Variants in DIAPH3 observed in about 807,000 individuals in gnomAD.
The protein encoded by DIAPH3 is protein diaphanous homolog 3.
Under a neutral mutation model 144.3 loss-of-function variants are expected in DIAPH3, and 117 were observed. The observed-to-expected ratio is 0.81, with a 90% CI of 0.70 to 0.95. The LOEUF (loss-of-function observed/expected upper bound fraction) is 0.95, where lower values mean the gene tolerates loss of function less well. Ranked by LOEUF, DIAPH3 falls within the 40% of genes least tolerant of loss-of-function variation. The pLI is 0.00. For missense variants in DIAPH3, 1,421 were observed against 1,412.7 expected, an observed-to-expected ratio of 1.01 and a Z score of -0.09; for synonymous variants, 519 against 488.9, an observed-to-expected ratio of 1.06 and a Z score of -0.81.
At chr13:59,919,650 T>G (rs2140279273) in intron 18 of DIAPH3, among the ~76,000 whole-genome samples, 1 of 152,142 alleles carries the variant, frequency 6.6e-6, no homozygotes, top group South Asian at 2.1e-4. Flanking sequence ...CTTATAAAAA[T>G]TGCTAAATGA....
intron 8 of DIAPH3, 147 bp from the exon 9 acceptor site, chr13:60,008,796 C>T (rs1008028943): frequency 9.2e-6 from 6 of 654,468 alleles, no homozygotes; most frequent in Middle Eastern, 3.9e-4. Context: ...GTATCAAGCA[C>T]AGTTCTAAGC....
intron 4 of DIAPH3, among the ~76,000 whole-genome samples, chr13:60,047,372 G>A (rs991233782): frequency 6.6e-6 from 1 of 151,988 alleles, no homozygotes; most frequent in African/African-American, 2.4e-5. Context: ...TGAAAATAAA[G>A]GAGACCTAAA....
intron 17 of DIAPH3, among the ~76,000 whole-genome samples, chr13:59,965,407 A>T (rs939807757): frequency 6.6e-6 from 1 of 152,268 alleles, no homozygotes; most frequent in Non-Finnish European, 1.5e-5. Flanking sequence ...AATCCCTATT[A>T]ACAGTTTGTG....
chr13:60,045,306 C>T (rs565555043), intron 4 of DIAPH3, among the ~76,000 whole-genome samples: 30 of 151,994 alleles, frequency 2.0e-4, no homozygotes, highest in Non-Finnish European at 2.9e-4. Context: ...TGCCATTTTA[C>T]TCCAGCCTGG....
chr13:59,949,593 A>T (rs2048994587), intron 17 of DIAPH3, among the ~76,000 whole-genome samples: 1 of 152,180 alleles, frequency 6.6e-6, no homozygotes, highest in African/African-American at 2.4e-5. Context: ...GAACACATAT[A>T]TGACCATTAG....
At chr13:59,711,060 T>A (rs896140906) in intron 27 of DIAPH3, among the ~76,000 whole-genome samples, 3 of 152,216 alleles carry the variant, frequency 2.0e-5, no homozygotes, top group African/African-American at 7.2e-5. Context: ...CATTTTAATA[T>A]AGACTTTCCA....
intron 25 of DIAPH3, among the ~76,000 whole-genome samples, chr13:59,810,465 T>C (rs962879678): frequency 6.6e-6 from 1 of 152,216 alleles, no homozygotes; most frequent in Non-Finnish European, 1.5e-5. Flanking sequence ...ACAGTCCATT[T>C]CTGACAGTTA....
chr13:59,721,714 A>T (rs1164310638), intron 27 of DIAPH3, among the ~76,000 whole-genome samples: 1 of 152,212 alleles, frequency 6.6e-6, no homozygotes, highest in Non-Finnish European at 1.5e-5. Context: ...TGGCAACGAC[A>T]GTGGGCAAGA....
chr13:60,030,999 A>T (rs532838975), intron 5 of DIAPH3, among the ~76,000 whole-genome samples: 1 of 152,120 alleles, frequency 6.6e-6, no homozygotes, highest in Non-Finnish European at 1.5e-5. Context: ...TTTCTTTCAT[A>T]TTATTGTATT....
At chr13:60,021,443 G>A (rs1434459230) in intron 5 of DIAPH3, among the ~76,000 whole-genome samples, 1 of 152,096 alleles carries the variant, frequency 6.6e-6, no homozygotes, top group African/African-American at 2.4e-5. Flanking sequence ...TGGCCAACAC[G>A]GAGAAACCCC....
intron 27 of DIAPH3, among the ~76,000 whole-genome samples, chr13:59,766,026 A>G (rs755975620): frequency 3.3e-5 from 5 of 152,174 alleles, no homozygotes; most frequent in Non-Finnish European, 7.3e-5. Context: ...TTATGTTCCA[A>G]AAGAGTTTTC....
chr13:59,928,466 T>G lies in DIAPH3; in HGVS notation c.2075-3596A>C, dbSNP rs995207253. Among the ~76,000 whole-genome samples, 10 of 152,190 alleles carry G rather than the reference T, an allele frequency of 6.6e-5. No homozygotes were observed. In the East Asian group the frequency reaches 1.9e-3, roughly 29 times the overall value. On this transcript the variant is annotated intron_variant, in intron 17 of 27. Coordinates refer to ENST00000400324, the MANE Select transcript of DIAPH3 (RefSeq NM_001042517.2). ...TTCCTTTCTTTTTCAGATTTTTTTG[T>G]GTGTCCCTAAAGTGATATCTGTGCA... is the stretch of plus-strand genomic sequence containing the variant.
intron 9 of DIAPH3, among the ~76,000 whole-genome samples, chr13:60,005,274 T>C (rs1224340137): frequency 6.6e-6 from 1 of 152,188 alleles, no homozygotes; most frequent in Non-Finnish European, 1.5e-5. Flanking sequence ...TAATGCATGA[T>C]TACATTTACG....
chr13:60,031,248 T>C (rs2054769870), intron 5 of DIAPH3, among the ~76,000 whole-genome samples: 1 of 151,852 alleles, frequency 6.6e-6, no homozygotes, highest in Non-Finnish European at 1.5e-5. Flanking sequence ...GGAGGCAAAC[T>C]TGTAAATGAT....
intron 3 of DIAPH3, among the ~76,000 whole-genome samples, chr13:60,108,300 TTAAAC>T (rs2058473858): frequency 2.0e-5 from 3 of 152,260 alleles, no homozygotes; most frequent in South Asian, 2.1e-4. Flanking sequence ...AAACTAATGT[TTAAAC>T]TAAGATTTAA....
At chr13:60,122,058 C>T (rs1240848802) in intron 2 of DIAPH3, among the ~76,000 whole-genome samples, 1 of 152,142 alleles carries the variant, frequency 6.6e-6, no homozygotes, top group African/African-American at 2.4e-5. Flanking sequence ...TCATGCCCCT[C>T]ACTCCTGTGG....
intron 2 of DIAPH3, among the ~76,000 whole-genome samples, chr13:60,130,686 A>G (rs1392926738): frequency 6.6e-6 from 1 of 152,234 alleles, no homozygotes; most frequent in Non-Finnish European, 1.5e-5. Context: ...GCCAGAAAGC[A>G]TGCTAGGTAC....
At chr13:59,728,892 TAAG>T (rs2035734946) in intron 27 of DIAPH3, among the ~76,000 whole-genome samples, 2 of 152,256 alleles carry the variant, frequency 1.3e-5, no homozygotes, top group African/African-American at 4.8e-5. Flanking sequence ...GGATATATTA[TAAG>T]AAGAAGTAGA....
chr13:60,047,106 C>A (rs1467007480), intron 4 of DIAPH3, among the ~76,000 whole-genome samples: 4 of 151,724 alleles, frequency 2.6e-5, no homozygotes, highest in Non-Finnish European at 4.4e-5. Flanking sequence ...CACTTGTATC[C>A]CAGAAATTAA....
Sources: allele counts gnomAD v4.1 joint callset (sites outside exome capture counted in the v4.1 genomes callset), GRCh38; gene constraint gnomAD v4.1.1; transcripts MANE v1.5; gene names NCBI Gene and HGNC (gene_info 2026-07-23, HGNC 2026-07-21).